RNF212B: variants seen among roughly 807,000 people sequenced by gnomAD.
The protein encoded by RNF212B is E3 ubiquitin-protein ligase RNF212B.
A neutral mutation model predicts 55.5 loss-of-function variants in RNF212B; 52 were observed. That is an observed-to-expected ratio of 0.94 (90% CI 0.75 to 1.18). The LOEUF (loss-of-function observed/expected upper bound fraction) is 1.18. Ranked by LOEUF, RNF212B falls within the 50% of genes most tolerant of loss-of-function variation. The pLI, the probability that RNF212B is intolerant of heterozygous loss-of-function variation, is 0.00. For missense variants in RNF212B, 289 were observed against 350.4 expected (o/e 0.82, Z 1.40); for synonymous variants, 99 against 121.4 (o/e 0.82, Z 1.21).
chr14:23,210,375 A>G (rs1880367471), intron 2 of RNF212B, among the ~76,000 whole-genome samples: 1 of 152,246 alleles, frequency 6.6e-6, no homozygotes, highest in African/African-American at 2.4e-5. Flanking sequence ...CTTGGACTGT[A>G]GAACAGAGAA....
At chr14:23,210,424 GAGTTT>G (rs1254255928) in intron 2 of RNF212B, among the ~76,000 whole-genome samples, 3 of 152,178 alleles carry the variant, frequency 2.0e-5, no homozygotes, top group Admixed American at 6.5e-5. Context: ...ACAAAGTCTG[GAGTTT>G]AGTTAATTAT....
rs574664327 is a variant in RNF212B at position 23,251,689 on chromosome 14, G to A, written c.229-6860G>A. Among the ~76,000 whole-genome samples the A allele has an allele frequency of 3.3e-5, 5 of 151,998 alleles. No homozygotes were observed. The South Asian group carries it at 8.3e-4, about 25-fold the overall frequency. ...AAAGTAGATGGGTGTGGTGGCGGGC[G>A]CCTGTAATCCCAGCTACTCTGGAGG... is the stretch of plus-strand genomic sequence containing the variant. On this transcript the variant is annotated intron_variant, in intron 4 of 14. Transcript: ENST00000430154.
In RNF212B at chr14:23,240,381, A is replaced by T. The variant is rs535632339; in HGVS notation, c.36A>T (p.Lys12Asn). ...TTCATTGCAACCAGTGCTTCCGAAA[A>T]GATGGGGCCCATTTCTTTGTCACCA... ...DWFHCNQCFR[K>N]DGAHFFVTSC... The change falls in exon 2 of 15, where the codon AAA becomes AAT. Residue 12 changes from lysine to asparagine, a missense_variant. Coordinates refer to ENST00000430154, the MANE Select transcript of RNF212B (RefSeq NM_001282322.3). 5.3e-4 allele frequency: 821 copies of T among 1,550,484 alleles called. 2 individuals are homozygous for T. Among genetic ancestry groups the T allele is most frequent in the Non-Finnish European group, 6.9e-4 (790 of 1,146,930 alleles).
At chr14:23,233,658 T>C (rs183828741), upstream of RNF212B, among the ~76,000 whole-genome samples, 213 of 148,968 alleles carry the variant, frequency 1.4e-3, 3 homozygotes, top group African/African-American at 5.1e-3. Context: ...AGGGGAATCA[T>C]TCGGGCCTGG....
chr14:23,211,304 C>T (rs1424525936), intron 2 of RNF212B, among the ~76,000 whole-genome samples: 1 of 151,924 alleles, frequency 6.6e-6, no homozygotes, highest in African/African-American at 2.4e-5. Flanking sequence ...TACTAAAACA[C>T]AGGCAAGATG....
intron 4 of RNF212B, among the ~76,000 whole-genome samples, chr14:23,256,825 T>C (rs930178961): frequency 2.0e-5 from 3 of 152,204 alleles, no homozygotes; most frequent in African/African-American, 7.2e-5. Context: ...TAGTTGAGAT[T>C]ACAGGAATGT....
chr14:23,260,275 CT>C (rs1885198203), intron 6 of RNF212B, among the ~76,000 whole-genome samples: 1 of 152,202 alleles, frequency 6.6e-6, no homozygotes, highest in Non-Finnish European at 1.5e-5. Context: ...GACCCTTCCT[CT>C]GCATCACACT....
At chr14:23,232,704 C>G (rs532251130) in intron 2 of RNF212B, among the ~76,000 whole-genome samples, 3 of 150,642 alleles carry the variant, frequency 2.0e-5, no homozygotes, top group Non-Finnish European at 3.0e-5. Context: ...GGTCAGCCCC[C>G]GCCCGGCCAG....
At chr14:23,264,717 G>A (rs1207789966) in intron 11 of RNF212B, 46 bp downstream of exon 11, 10 of 1,168,584 alleles carry the variant, frequency 8.6e-6, no homozygotes, top group African/African-American at 1.6e-5. Flanking sequence ...TACTCTATGC[G>A]AAGATCTGCG....
intron 2 of RNF212B, among the ~76,000 whole-genome samples, chr14:23,206,955 A>G (rs1879904131): frequency 6.6e-6 from 1 of 152,156 alleles, no homozygotes; most frequent in African/African-American, 2.4e-5. Flanking sequence ...AACAACAACA[A>G]CAAACAAAAA....
At chr14:23,220,956 A>G (rs1263301232) in intron 2 of RNF212B, among the ~76,000 whole-genome samples, 1 of 152,210 alleles carries the variant, frequency 6.6e-6, no homozygotes, top group Non-Finnish European at 1.5e-5. Context: ...AGACTGTAAA[A>G]CAACCAGAAA....
At chr14:23,208,828 A>T (rs56044467) in intron 2 of RNF212B, among the ~76,000 whole-genome samples, 11 of 127,276 alleles carry the variant, frequency 8.6e-5, no homozygotes, top group Middle Eastern at 5.0e-3. Context: ...GCGCGATCTC[A>T]GGTCACTGCA....
intron 4 of RNF212B, among the ~76,000 whole-genome samples, chr14:23,252,064 C>G (rs920652849): frequency 6.6e-6 from 1 of 151,440 alleles, no homozygotes; most frequent in African/African-American, 2.4e-5. Flanking sequence ...ATCTCTAGCC[C>G]CTTTTCCCTC....
At chr14:23,204,803 G>C (rs1477651775) in intron 2 of RNF212B, among the ~76,000 whole-genome samples, 1 of 151,948 alleles carries the variant, frequency 6.6e-6, no homozygotes, top group South Asian at 2.1e-4. Context: ...TATTTTGATG[G>C]GGATTGTGTA....
chr14:23,226,736 T>A (rs1882058911), intron 2 of RNF212B, among the ~76,000 whole-genome samples: 1 of 151,174 alleles, frequency 6.6e-6, no homozygotes. Flanking sequence ...TTATCTCGGC[T>A]AGTCCCCTCC....
chr14:23,194,150 T>C (rs1055008106), intron 2 of RNF212B, among the ~76,000 whole-genome samples: 2 of 152,024 alleles, frequency 1.3e-5, no homozygotes, highest in Admixed American at 6.6e-5. Context: ...CCTCATATAC[T>C]ATCACTTAAA....
chr14:23,186,029 G>T (rs551688771), intron 1 of RNF212B, among the ~76,000 whole-genome samples: 1 of 152,164 alleles, frequency 6.6e-6, no homozygotes, highest in South Asian at 2.1e-4. Context: ...GAGCCATGGA[G>T]GTTGAGGCTG....
intron 4 of RNF212B, among the ~76,000 whole-genome samples, chr14:23,251,712 A>C (rs1884417540): frequency 6.6e-6 from 1 of 151,618 alleles, no homozygotes; most frequent in Admixed American, 6.6e-5. Context: ...GCTACTCTGG[A>C]GGCTGAAGCA....
At chr14:23,196,436 A>AAAAAAC (rs1878707686) in intron 2 of RNF212B, among the ~76,000 whole-genome samples, 1 of 152,094 alleles carries the variant, frequency 6.6e-6, no homozygotes, top group Admixed American at 6.5e-5. Flanking sequence ...AAAGGGCTCA[A>AAAAAAC]AAAAACAAAA....
Sources: allele counts gnomAD v4.1 joint callset (sites outside exome capture counted in the v4.1 genomes callset), GRCh38; gene constraint gnomAD v4.1.1; transcripts MANE v1.5; gene names NCBI Gene and HGNC (gene_info 2026-07-23, HGNC 2026-07-21).